SHCBP1L: variants seen among roughly 807,000 people sequenced by gnomAD.
SHCBP1L encodes the protein testicular spindle-associated protein SHCBP1L.
A neutral mutation model predicts 62.5 loss-of-function variants in SHCBP1L; 67 were observed. The ratio of observed to expected loss-of-function variants is 1.07; its 90% CI spans 0.88 to 1.31. The LOEUF is 1.31. Among genes scored for constraint, SHCBP1L ranks in the 40% most tolerant of loss-of-function variants. The pLI is 0.00. For missense variants in SHCBP1L, 823 were observed against 809.8 expected (o/e 1.02, Z -0.20); for synonymous variants, 284 against 289.4 (o/e 0.98, Z 0.19).
chr1:182,927,111 T>C (rs1396148983), intron 6 of SHCBP1L, among the ~76,000 whole-genome samples: 2 of 93,216 alleles, frequency 2.1e-5, no homozygotes, highest in African/African-American at 8.0e-5. Context: ...TATATATATA[T>C]ATACTCTCTC....
rs759840752 is a variant in SHCBP1L, at chr1:182,939,306, C to T, written c.946G>A (p.Glu316Lys). The T allele has an allele frequency of 1.2e-5, 20 of 1,613,746 alleles. 1 individual carries two copies. Among genetic ancestry groups the T allele is most frequent in the African/African-American group, 5.3e-5 (4 of 74,896 alleles). The change falls in exon 5 of 10, where the codon GAG becomes AAG. Residue 316 changes from glutamate (E) to lysine (K), a missense_variant. By Grantham distance (56) the Glu-to-Lys change is moderately conservative. Coordinates refer to ENST00000367547, the MANE Select transcript of SHCBP1L (RefSeq NM_030933.4). Reference protein sequence around the residue: ...TLEKYKNKRVELIEYQSNIKE... With the variant: ...TLEKYKNKRVKLIEYQSNIKE... ...ATATTGCTCTGATACTCAATGAGCTCGACACGTTTGTTTTTATATTTCTCC... is the reference window on the plus strand; with the variant it reads ...ATATTGCTCTGATACTCAATGAGCTTGACACGTTTGTTTTTATATTTCTCC...
chr1:182,902,904 T>C, intron 9 of SHCBP1L, 135 bp downstream of exon 9: 1 of 544,934 alleles, frequency 1.8e-6, no homozygotes, highest in Non-Finnish European at 2.9e-6. Context: ...TTTAACCATA[T>C]TTTATTACTT....
intron 6 of SHCBP1L, among the ~76,000 whole-genome samples, chr1:182,923,873 A>G (rs1571345357): frequency 6.6e-6 from 1 of 152,342 alleles, no homozygotes; most frequent in South Asian, 2.1e-4. Context: ...ACAGTACTGG[A>G]AGTCCTAGCC....
chr1:182,947,408 A>G (rs1651600112), intron 2 of SHCBP1L, among the ~76,000 whole-genome samples: 1 of 152,172 alleles, frequency 6.6e-6, no homozygotes, highest in South Asian at 2.1e-4. Context: ...TTCTTGATAT[A>G]TTTTGCTAAA....
At chr1:182,924,543 G>T (rs1393047634) in intron 6 of SHCBP1L, among the ~76,000 whole-genome samples, 1 of 151,218 alleles carries the variant, frequency 6.6e-6, no homozygotes, top group East Asian at 1.9e-4. Flanking sequence ...TGATCCTCCC[G>T]CCTTGGCCTT....
chr1:182,937,173 T>C (rs146346810), intron 5 of SHCBP1L, among the ~76,000 whole-genome samples: 21 of 152,304 alleles, frequency 1.4e-4, no homozygotes, highest in African/African-American at 4.8e-4. Context: ...CATTTTTCTT[T>C]TCCCTGAAGA....
chr1:182,900,497 G>A (rs1649797410), intron 9 of SHCBP1L, among the ~76,000 whole-genome samples: 1 of 152,084 alleles, frequency 6.6e-6, no homozygotes, highest in African/African-American at 2.4e-5. Flanking sequence ...CAATGACACA[G>A]TCTTGGCTCA....
intron 2 of SHCBP1L, among the ~76,000 whole-genome samples, chr1:182,949,790 A>T (rs186042018): frequency 6.6e-6 from 1 of 151,706 alleles, no homozygotes; most frequent in Non-Finnish European, 1.5e-5. Flanking sequence ...AATCTTTTAC[A>T]TTCCTTTGTA....
At chr1:182,946,397 T>C (rs1252655786) in intron 2 of SHCBP1L, among the ~76,000 whole-genome samples, 1 of 151,970 alleles carries the variant, frequency 6.6e-6, no homozygotes, top group Non-Finnish European at 1.5e-5. Context: ...TAAATCAGTA[T>C]CATTAAGTCT....
Position 182,953,157 on chromosome 1 carries a change from G to C in SHCBP1L, c.-24C>G, listed in dbSNP as rs548071233. 84 of 1,570,178 alleles carry C rather than the reference G, an allele frequency of 5.3e-5. No individual in the cohort carries two copies. In the South Asian group the frequency reaches 9.2e-4, roughly 17 times the overall value. ...ATCTCCTCAGCAGCCCGAGGGCCGA[G>C]GCAGCCGTTGGCCACTTTTCCCGCC... On this transcript the variant is annotated 5_prime_UTR_variant, in exon 1 of 10. Transcript: ENST00000367547.
chr1:182,923,141 T>C (rs994897824), intron 6 of SHCBP1L, among the ~76,000 whole-genome samples: 3 of 152,102 alleles, frequency 2.0e-5, no homozygotes, highest in African/African-American at 4.8e-5. Flanking sequence ...AGGAACTGGA[T>C]GAATTCCTGC....
At chr1:182,924,759 A>AG (rs1650643404) in intron 6 of SHCBP1L, among the ~76,000 whole-genome samples, 3 of 112,528 alleles carry the variant, frequency 2.7e-5, no homozygotes, top group Non-Finnish European at 4.9e-5. Context: ...AAAGAAAGAA[A>AG]GAAAGAAAGA....
At chr1:182,917,792 T>G (rs1650400214) in intron 6 of SHCBP1L, among the ~76,000 whole-genome samples, 1 of 152,050 alleles carries the variant, frequency 6.6e-6, no homozygotes, top group African/African-American at 2.4e-5. Flanking sequence ...AATCATCTCT[T>G]TAAACACTTG....
intron 6 of SHCBP1L, among the ~76,000 whole-genome samples, chr1:182,921,891 A>G (rs1650539713): frequency 6.6e-6 from 1 of 152,208 alleles, no homozygotes; most frequent in Non-Finnish European, 1.5e-5. Context: ...CAGTTCCAAA[A>G]AAAAGAAATC....
At chr1:182,942,126 C>T in intron 2 of SHCBP1L, 2 of 881,902 alleles carry the variant, frequency 2.3e-6, no homozygotes, top group South Asian at 1.3e-5. Context: ...GCTTCTTTCT[C>T]TCCTGCTTCA....
intron 5 of SHCBP1L, among the ~76,000 whole-genome samples, chr1:182,930,578 T>C (rs1000259659): frequency 8.1e-6 from 1 of 123,014 alleles, no homozygotes; most frequent in Non-Finnish European, 1.7e-5. Context: ...TATATATATA[T>C]ATATATATAT....
At chr1:182,913,570 G>A (rs1384857958) in intron 6 of SHCBP1L, among the ~76,000 whole-genome samples, 4 of 152,250 alleles carry the variant, frequency 2.6e-5, no homozygotes, top group Non-Finnish European at 4.4e-5. Context: ...CGTAATGGCC[G>A]AAAACATCCC....
intron 4 of SHCBP1L, 23 bp downstream of exon 4, chr1:182,939,444 A>C (rs1359675120): frequency 4.4e-6 from 7 of 1,603,374 alleles, no homozygotes; most frequent in Non-Finnish European, 6.0e-6. Context: ...AATGTGCGGT[A>C]TAAGTTTATA....
At chr1:182,945,796 A>G (rs1651547468) in intron 2 of SHCBP1L, among the ~76,000 whole-genome samples, 1 of 152,204 alleles carries the variant, frequency 6.6e-6, no homozygotes, top group Admixed American at 6.5e-5. Context: ...GTGGTGGCTT[A>G]CATCTGTAAT....
Sources: allele counts gnomAD v4.1 joint callset (sites outside exome capture counted in the v4.1 genomes callset), GRCh38; gene constraint gnomAD v4.1.1; transcripts MANE v1.5; gene names NCBI Gene and HGNC (gene_info 2026-07-23, HGNC 2026-07-21).